The following AEBP2 variants were observed in gnomAD, a reference collection of about 807,000 sequenced individuals.
AEBP2 encodes zinc finger protein AEBP2.
AEBP2 carries 10 observed loss-of-function variants against 50.8 expected under a neutral mutation model. That is an observed-to-expected ratio of 0.20 (90% CI 0.12 to 0.33). The LOEUF is 0.33. AEBP2 is among the 10% of genes least tolerant of loss of function. The pLI, the probability that AEBP2 is intolerant of heterozygous loss-of-function variation, is 1.00. For missense variants in AEBP2, 570 were observed against 688.0 expected, an observed-to-expected ratio of 0.83 and a Z score of 1.92; for synonymous variants, 296 against 261.3, an observed-to-expected ratio of 1.13 and a Z score of -1.28.
At chr12:19,420,328 A>ATTTTT (rs780103252) in intron 1 of AEBP2, among the ~76,000 whole-genome samples, 11 of 76,586 alleles carry the variant, frequency 1.4e-4, no homozygotes, top group African/African-American at 2.2e-4. Flanking sequence ...TGTGCTGACC[A>ATTTTT]TTTTTTTTTT....
At chr12:19,415,703 A>G (rs566831384) in intron 1 of AEBP2, among the ~76,000 whole-genome samples, 2 of 151,656 alleles carry the variant, frequency 1.3e-5, no homozygotes, top group South Asian at 4.2e-4. Context: ...ATACAATACA[A>G]TACAATACAA....
In AEBP2 at chr12:19,442,303, G is replaced by C. The variant is rs552031262; in HGVS notation, c.671+1933G>C. 3.3e-5 allele frequency among the ~76,000 whole-genome samples: 5 copies of C among 152,278 alleles called. No homozygotes were observed. In the East Asian group the frequency reaches 7.7e-4, roughly 24 times the overall value. On this transcript the variant is annotated intron_variant, in intron 1 of 7. Transcript: ENST00000266508. Reference sequence around the variant, plus strand: ...CGCGCCTGTGTTCCCAGCTACTCGGGAGGCTGAGGCAGGAGAATCGCTTGA... The same window carrying C: ...CGCGCCTGTGTTCCCAGCTACTCGGCAGGCTGAGGCAGGAGAATCGCTTGA...
chr12:19,502,403 G>A (rs536782590), intron 5 of AEBP2, among the ~76,000 whole-genome samples: 2 of 152,194 alleles, frequency 1.3e-5, no homozygotes, highest in Non-Finnish European at 2.9e-5. Flanking sequence ...CAAAGTGCTG[G>A]GATTACAGGC....
intron 3 of AEBP2, among the ~76,000 whole-genome samples, chr12:19,479,708 T>A (rs1307095594): frequency 7.1e-6 from 1 of 141,838 alleles, no homozygotes; most frequent in Admixed American, 7.5e-5. Flanking sequence ...TAATGTCACC[T>A]CTTTGTGGGT....
chr12:19,417,709 C>CT (rs985648060), intron 1 of AEBP2, among the ~76,000 whole-genome samples: 437 of 135,252 alleles, frequency 3.2e-3, no homozygotes, highest in Middle Eastern at 9.4e-3. Flanking sequence ...AGCCCAGCCT[C>CT]TTTTTTTTTT....
At chr12:19,431,830 G>T (rs2095751588) in intron 1 of AEBP2, among the ~76,000 whole-genome samples, 1 of 152,150 alleles carries the variant, frequency 6.6e-6, no homozygotes, top group African/African-American at 2.4e-5. Context: ...CTCAGAGAAT[G>T]AGGTCATTAT....
intron 3 of AEBP2, among the ~76,000 whole-genome samples, chr12:19,482,939 C>T (rs1184027932): frequency 3.3e-5 from 5 of 152,098 alleles, no homozygotes; most frequent in African/African-American, 7.2e-5. Flanking sequence ...CTCTCACTCC[C>T]TTGGTGTACT....
chr12:19,407,194 A>C (rs2095736763), intron 1 of AEBP2, among the ~76,000 whole-genome samples: 1 of 152,134 alleles, frequency 6.6e-6, no homozygotes, highest in South Asian at 2.1e-4. Context: ...GCTACTCCGG[A>C]GGCTAAGGTG....
intron 1 of AEBP2, among the ~76,000 whole-genome samples, chr12:19,434,333 C>A (rs1422655826): frequency 6.6e-6 from 1 of 152,044 alleles, no homozygotes; most frequent in African/African-American, 2.4e-5. Context: ...GCCACCATGC[C>A]TGGCTAATTT....
At chr12:19,494,098 C>T in intron 4 of AEBP2, 112 bp downstream of exon 4, 2 of 1,181,708 alleles carry the variant, frequency 1.7e-6, no homozygotes, top group Non-Finnish European at 2.3e-6. Flanking sequence ...AAGTAACAAA[C>T]AGGTAGGATG....
At chr12:19,415,652 A>AACTC (rs2095742113) in intron 1 of AEBP2, among the ~76,000 whole-genome samples, 1 of 144,292 alleles carries the variant, frequency 6.9e-6, no homozygotes, top group African/African-American at 2.6e-5. Context: ...ATGAGAGATT[A>AACTC]AATCAATACA....
chr12:19,415,673 A>C lies in AEBP2; in HGVS notation c.-17+11457A>C, dbSNP rs182403353. ...GATTAAATCAATACAATACAATACA[A>C]TACAATACAATACAATACAATACAA... On this transcript the variant is annotated intron_variant, in intron 1 of 3. Coordinates refer to the AEBP2 transcript ENST00000538425. Among the ~76,000 whole-genome samples, 353 of 149,072 alleles carry C rather than the reference A, an allele frequency of 2.4e-3. 1 individual carries two copies. The highest frequency in any genetic ancestry group is 8.2e-3 in the African/African-American group (332 of 40,690).
chr12:19,469,984 G>A (rs746871994), intron 2 of AEBP2, among the ~76,000 whole-genome samples: 3 of 152,116 alleles, frequency 2.0e-5, no homozygotes, highest in Non-Finnish European at 4.4e-5. Context: ...CAGTAGGAGA[G>A]TTTCTAAAAA....
chr12:19,429,636 C>T (rs1592709396), intron 1 of AEBP2, among the ~76,000 whole-genome samples: 1 of 152,148 alleles, frequency 6.6e-6, no homozygotes, highest in Admixed American at 6.6e-5. Context: ...CTCTCCAGCA[C>T]CTGTTGTTTC....
At chr12:19,409,350 TA>T (rs11291593) in intron 1 of AEBP2, among the ~76,000 whole-genome samples, 104,889 of 147,100 alleles carry the variant, frequency 0.71, 36,852 homozygotes, top group African/African-American at 0.75. Context: ...GCATTTGTGC[TA>T]AAAAAAAAAA....
chr12:19,501,800 T>TTTTTG (rs1949084410), intron 5 of AEBP2, among the ~76,000 whole-genome samples: 4 of 117,224 alleles, frequency 3.4e-5, no homozygotes, highest in Non-Finnish European at 6.3e-5. Flanking sequence ...TGAGTTTGTT[T>TTTTTG]TTTTTTTTTT....
intron 1 of AEBP2, among the ~76,000 whole-genome samples, chr12:19,442,141 C>T (rs987173149): frequency 6.6e-6 from 1 of 152,164 alleles, no homozygotes; most frequent in Non-Finnish European, 1.5e-5. Flanking sequence ...GGCGCGGTGG[C>T]TCAGGCCTGT....
rs1947921568 is a variant in AEBP2, at chr12:19,440,083, C to T, written c.384C>T (p.Ser128=). The T allele has an allele frequency of 6.6e-7, 1 of 1,509,924 alleles. No homozygotes were observed. Among genetic ancestry groups the T allele is most frequent in the African/African-American group, 1.4e-5 (1 of 69,628 alleles). 93.5% of individuals were successfully genotyped at this position (1,509,924 alleles called of 1,614,324 possible). A position where few individuals can be genotyped will look rare whatever the true frequency, so the allele number is the denominator to read the frequency against. The change falls in exon 1 of 8, where the codon AGC becomes AGT. Residue 128 remains serine (S), a synonymous_variant. Coordinates refer to ENST00000266508, the MANE Select transcript of AEBP2 (RefSeq NM_153207.5). ...GTAGCGCCGAGAGCCTGGTGGGCAG[C>T]AGCGGCGGGAGCAGCAGCGACGAGA... ...EESSAESLVG[S]SGGSSSDETR...
rs531579805 is a variant in AEBP2 at position 19,498,118 on chromosome 12, A to C, written c.1175-1979A>C. On this transcript the variant is annotated intron_variant, in intron 4 of 7. Transcript: ENST00000266508. ...ATTTAAGTGATGGCTTCAATGTTTA[A>C]ATTTGAGTGAGGAGTGGTTAATTTT... 6.8e-4 allele frequency among the ~76,000 whole-genome samples: 103 copies of C among 152,254 alleles called. 1 individual carries two copies. Among genetic ancestry groups the C allele is most frequent in the African/African-American group, 2.5e-3 (103 of 41,552 alleles).
Sources: gnomAD v4.1 joint callset for allele counts (sites outside exome capture counted in the v4.1 genomes callset) on GRCh38, gnomAD v4.1.1 for gene constraint, MANE v1.5 for transcripts, NCBI Gene and HGNC (gene_info 2026-07-23, HGNC 2026-07-21) for gene names.